Variants in ADGRA1 observed in about 807,000 individuals in gnomAD.
ADGRA1 encodes G-protein coupled receptor 123.
Under a neutral mutation model 21.3 loss-of-function variants are expected in ADGRA1, and 12 were observed. That is an observed-to-expected ratio of 0.56 (90% confidence interval 0.36 to 0.91). The LOEUF (loss-of-function observed/expected upper bound fraction) is 0.91. ADGRA1 is among the 40% of genes least tolerant of loss of function. The probability of loss-of-function intolerance (pLI) is 0.01; values close to 1 mark genes in which losing one functional copy is unlikely to be tolerated. For missense variants in ADGRA1, 790 were observed against 805.6 expected (o/e 0.98, Z 0.23); for synonymous variants, 385 against 368.8 (o/e 1.04, Z -0.50).
Position 133,129,284 on chromosome 10 carries a change from G to A in ADGRA1, c.1456G>A (p.Gly486Ser), listed in dbSNP as rs767384271. The change falls in exon 7 of 7, where the codon GGC becomes AGC. Residue 486 changes from glycine (G) to serine (S), a missense_variant. Coordinates refer to ENST00000392607, the MANE Select transcript of ADGRA1 (RefSeq NM_001083909.3). ...DPFPMVTQPE[G>S]SDGSPALYSC... ...CTTCCCCATGGTCACCCAGCCCGAG[G>A]GCAGTGATGGGAGCCCTGCCCTCTA... 2.5e-5 allele frequency: 39 copies of A among 1,551,002 alleles called. No individual in the cohort carries two copies. In the Admixed American group the frequency reaches 7.4e-4, roughly 30 times the overall value.
intron 5 of ADGRA1, among the ~76,000 whole-genome samples, chr10:133,106,891 C>T (rs546704029): frequency 1.1e-4 from 16 of 152,368 alleles, no homozygotes; most frequent in African/African-American, 3.6e-4. Context: ...CCGCTCTGAG[C>T]GCCACTGGAG....
rs1468169142 is a variant in ADGRA1, at chr10:133,128,541, A to G, written c.713A>G (p.His238Arg). 2 of 1,551,290 alleles carry G rather than the reference A, an allele frequency of 1.3e-6. No homozygotes were observed. The highest frequency in any genetic ancestry group is 2.4e-5 in the South Asian group (2 of 85,068). ...ATCCGGCCAGGCACCCCACCCGCAC[A>G]CGATGCCCCCGGCGCCTCCGTGCTG... Reference protein sequence around the residue: ...RGIRPGTPPAHDAPGASVLQN... With the variant: ...RGIRPGTPPARDAPGASVLQN... Residue 238 changes from histidine (H) to arginine (R), a missense_variant, in exon 7 of 7, where the codon CAC becomes CGC. Physicochemically the swap from His to Arg is conservative, Grantham distance 29. This residue lies in a region of ADGRA1 where 382 missense variants were observed against 415.6 expected (regional missense o/e 0.92). Transcript: ENST00000392607.
intron 5 of ADGRA1, among the ~76,000 whole-genome samples, chr10:133,112,392 A>ACGGGCCACGTCCGTTATTTGGGGTCTG (rs1852054147): frequency 1.1e-5 from 1 of 87,780 alleles, no homozygotes; most frequent in African/African-American, 5.4e-5. Context: ...TTTGGGGTCT[A>ACGGGCCACGTCCGTTATTTGGGGTCTG]CGGGCCGCGT....
chr10:133,093,372 A>G, intron 2 of ADGRA1: 1 of 1,266,046 alleles, frequency 7.9e-7, no homozygotes, highest in Non-Finnish European at 1.1e-6. Context: ...AGAACACACC[A>G]AAGAGGAGAC....
At chr10:133,112,646 C>CAGTT (rs1472651102) in intron 5 of ADGRA1, among the ~76,000 whole-genome samples, 1 of 138,742 alleles carries the variant, frequency 7.2e-6, no homozygotes, top group Admixed American at 7.3e-5. Context: ...CGGGCCGCGT[C>CAGTT]CGTTATTTGG....
intron 5 of ADGRA1, among the ~76,000 whole-genome samples, chr10:133,126,458 G>A (rs1445304450): frequency 6.6e-6 from 1 of 152,154 alleles, no homozygotes; most frequent in Non-Finnish European, 1.5e-5. Context: ...AGGAGCCGGG[G>A]AGACAGCGTC....
chr10:133,111,014 G>T (rs1166764224), intron 5 of ADGRA1, among the ~76,000 whole-genome samples: 2 of 152,082 alleles, frequency 1.3e-5, no homozygotes, highest in Non-Finnish European at 2.9e-5. Context: ...CTGAACTGGG[G>T]AGGTTCTGGG....
chr10:133,123,041 C>T lies in ADGRA1; in HGVS notation c.402-4192C>T, dbSNP rs952823378. On this transcript the variant is annotated intron_variant, in intron 5 of 6. Coordinates refer to ENST00000392607, the MANE Select transcript of ADGRA1 (RefSeq NM_001083909.3). ...ACGGGACCCGCTTCTGGCGAGACCACGGGGCTTTATCCCTTTATCCCTCCT... is the reference window on the plus strand; with the variant it reads ...ACGGGACCCGCTTCTGGCGAGACCATGGGGCTTTATCCCTTTATCCCTCCT... 1.4e-4 allele frequency among the ~76,000 whole-genome samples: 21 copies of T among 152,234 alleles called. 1 individual carries two copies. Among genetic ancestry groups the T allele is most frequent in the Non-Finnish European group, 1.0e-4 (7 of 68,036 alleles).
chr10:133,113,903 C>T (rs1032009987), intron 5 of ADGRA1, among the ~76,000 whole-genome samples: 1 of 152,228 alleles, frequency 6.6e-6, no homozygotes, highest in Non-Finnish European at 1.5e-5. Context: ...CCCACTTGGC[C>T]CTCTAGCCCA....
intron 5 of ADGRA1, among the ~76,000 whole-genome samples, chr10:133,111,980 C>T (rs1228251684): frequency 3.8e-4 from 35 of 92,100 alleles, no homozygotes; most frequent in South Asian, 1.9e-3. Context: ...ACCACAGGCA[C>T]CTCCCTCCTA....
intron 3 of ADGRA1, 24 bp from the exon 4 acceptor site, chr10:133,098,616 A>G (rs1386583149): frequency 6.3e-7 from 1 of 1,599,920 alleles, no homozygotes; most frequent in African/African-American, 1.3e-5. Flanking sequence ...TGCTCATGTG[A>G]AACCCTCCTT....
chr10:133,095,578 C>A, intron 2 of ADGRA1: 3 of 1,496,918 alleles, frequency 2.0e-6, no homozygotes, highest in Non-Finnish European at 2.7e-6. Context: ...CCCGCCTGGC[C>A]AGTGCTGTTC....
At chr10:133,098,561 T>C (rs1479382182) in intron 3 of ADGRA1, 79 bp from the exon 4 acceptor site, 4 of 1,523,410 alleles carry the variant, frequency 2.6e-6, no homozygotes, top group Middle Eastern at 4.8e-4. Context: ...GGACAGAGCC[T>C]GCGCCCCAGG....
chr10:133,095,760 G>T (rs1851677563), intron 2 of ADGRA1: 2 of 1,598,488 alleles, frequency 1.3e-6, no homozygotes, highest in Admixed American at 3.3e-5. Flanking sequence ...GGGCCCGCTG[G>T]CTGCCTGCAT....
chr10:133,100,606 C>T (rs541452835), intron 4 of ADGRA1, among the ~76,000 whole-genome samples: 2 of 152,322 alleles, frequency 1.3e-5, no homozygotes, highest in South Asian at 4.1e-4. Context: ...TGGAGGAGAT[C>T]TTGTTAAGGC....
At chr10:133,088,980 A>T (rs1247559169) in intron 2 of ADGRA1, 68 bp downstream of exon 2, 2 of 1,234,742 alleles carry the variant, frequency 1.6e-6, no homozygotes, top group African/African-American at 3.1e-5. Flanking sequence ...GGCCACCCGT[A>T]TGGGGACTCC....
chr10:133,099,344 C>T (rs1043026413), intron 4 of ADGRA1, among the ~76,000 whole-genome samples: 3 of 152,268 alleles, frequency 2.0e-5, no homozygotes, highest in African/African-American at 7.2e-5. Context: ...ACACTCCGGT[C>T]CAGGGAGGAA....
chr10:133,100,987 CG>C (rs1359735942), intron 4 of ADGRA1, among the ~76,000 whole-genome samples: 1 of 152,210 alleles, frequency 6.6e-6, no homozygotes, highest in African/African-American at 2.4e-5. Context: ...CCGAGCTCCC[CG>C]ATGAACTGTC....
Position 133,127,476 on chromosome 10 carries a change from C to T in ADGRA1, c.500+145C>T, listed in dbSNP as rs376543629. 575 of 643,308 alleles carry T rather than the reference C, an allele frequency of 8.9e-4. 7 individuals are homozygous for T. The African/African-American group carries it at 1.0e-2, about 11-fold the overall frequency. 39.8% of individuals were successfully genotyped at this position (643,308 alleles called of 1,614,324 possible). A position where few individuals can be genotyped will look rare whatever the true frequency, so the allele number is the denominator to read the frequency against. ...CTGGGGCTTGCCGAGAGCTGCGCCCCTCCCAGCTCGCACCCCCGAGGAGTG... is the reference window on the plus strand; with the variant it reads ...CTGGGGCTTGCCGAGAGCTGCGCCCTTCCCAGCTCGCACCCCCGAGGAGTG... On this transcript the variant is annotated intron_variant, in intron 6 of 6. Transcript: ENST00000392607.
Sources: allele counts gnomAD v4.1 joint callset (sites outside exome capture counted in the v4.1 genomes callset), GRCh38; gene constraint gnomAD v4.1.1; regional missense constraint gnomAD v4.1.1; transcripts MANE v1.5; gene names NCBI Gene and HGNC (gene_info 2026-07-23, HGNC 2026-07-21).